MAP2K6: variants seen among roughly 807,000 people sequenced by gnomAD.
MAP2K6 encodes dual specificity mitogen-activated protein kinase kinase 6.
MAP2K6 carries 16 observed loss-of-function variants against 53.7 expected under a neutral mutation model. That is an observed-to-expected ratio of 0.30 (90% CI 0.20 to 0.45). The LOEUF is 0.45. MAP2K6 is among the 20% of genes least tolerant of loss of function. MAP2K6 has a pLI of 1.00. For synonymous variants in MAP2K6, 132 were observed against 143.1 expected, an observed-to-expected ratio of 0.92 and a Z score of 0.55; for missense variants, 204 against 411.9, an observed-to-expected ratio of 0.50 and a Z score of 4.37.
At chr17:69,424,341 G>A (rs1356691227) in intron 1 of MAP2K6, among the ~76,000 whole-genome samples, 3 of 152,168 alleles carry the variant, frequency 2.0e-5, no homozygotes, top group Non-Finnish European at 4.4e-5. Flanking sequence ...TTTAAGTCAC[G>A]TACAAAGAAG....
chr17:69,467,105 CT>C (rs974904452), intron 1 of MAP2K6, among the ~76,000 whole-genome samples: 12 of 106,816 alleles, frequency 1.1e-4, no homozygotes, highest in African/African-American at 3.5e-4. Context: ...CCATTCTATC[CT>C]TCTGGTTAAT....
chr17:69,470,165 T>C (rs1037204130), intron 1 of MAP2K6, among the ~76,000 whole-genome samples: 1 of 152,062 alleles, frequency 6.6e-6, no homozygotes, highest in Non-Finnish European at 1.5e-5. Context: ...CATCACACCA[T>C]TGCACTCCAG....
intron 1 of MAP2K6, among the ~76,000 whole-genome samples, chr17:69,464,570 T>C (rs923509463): frequency 6.6e-6 from 1 of 151,124 alleles, no homozygotes; most frequent in African/African-American, 2.4e-5. Context: ...TTAGTAAAGA[T>C]GAGGTTTCAC....
At chr17:69,446,571 C>T (rs1906970202) in intron 1 of MAP2K6, among the ~76,000 whole-genome samples, 1 of 149,498 alleles carries the variant, frequency 6.7e-6, no homozygotes, top group Non-Finnish European at 1.5e-5. Flanking sequence ...TGTGTTGTTT[C>T]TTCCTTTCAC....
intron 10 of MAP2K6, among the ~76,000 whole-genome samples, chr17:69,529,504 ATTT>A (rs10566943): frequency 0.035 from 3,457 of 98,454 alleles, 80 homozygotes; most frequent in African/African-American, 0.12. Context: ...ATGGTTTTTA[ATTT>A]TTTTTTTTTT....
intron 2 of MAP2K6, among the ~76,000 whole-genome samples, chr17:69,512,224 A>C (rs1909859514): frequency 6.6e-6 from 1 of 151,296 alleles, no homozygotes; most frequent in Non-Finnish European, 1.5e-5. Flanking sequence ...GTGAGCAAAC[A>C]GTTTATGGCT....
rs549224214 is a variant in MAP2K6, at chr17:69,491,304, C to G, written c.17-14476C>G. Among the ~76,000 whole-genome samples, 396 of 152,148 alleles carry G rather than the reference C, an allele frequency of 2.6e-3. 2 individuals carry two copies. Among genetic ancestry groups the G allele is most frequent in the Non-Finnish European group, 2.5e-3 (167 of 67,986 alleles). On this transcript the variant is annotated intron_variant, in intron 1 of 11. Transcript: ENST00000590474. ...GATTACAGGCACGTGCCACCACGCC[C>G]GGCTAATTTTTGTATTTTTAGTAGA...
chr17:69,448,680 G>C (rs570734262), intron 1 of MAP2K6, among the ~76,000 whole-genome samples: 1 of 151,590 alleles, frequency 6.6e-6, no homozygotes, highest in South Asian at 2.1e-4. Flanking sequence ...GTAATGAGAA[G>C]GCTCCTTCTC....
intron 1 of MAP2K6, among the ~76,000 whole-genome samples, chr17:69,471,198 ACT>A (rs1255673209): frequency 8.5e-5 from 13 of 152,210 alleles, no homozygotes; most frequent in Admixed American, 5.2e-4. Context: ...CATTTTGCTC[ACT>A]CTCAACCACC....
intron 1 of MAP2K6, among the ~76,000 whole-genome samples, chr17:69,427,037 G>T (rs773152201): frequency 6.6e-6 from 1 of 152,126 alleles, no homozygotes; most frequent in Non-Finnish European, 1.5e-5. Flanking sequence ...TATCAACCAG[G>T]TTTATAGACA....
intron 2 of MAP2K6, among the ~76,000 whole-genome samples, chr17:69,511,317 A>G (rs1598300040): frequency 1.3e-5 from 2 of 152,130 alleles, no homozygotes; most frequent in African/African-American, 4.8e-5. Flanking sequence ...TGTACTCCTA[A>G]AGAAGTAGCT....
chr17:69,489,642 A>C (rs1908669789), intron 1 of MAP2K6, among the ~76,000 whole-genome samples: 1 of 152,252 alleles, frequency 6.6e-6, no homozygotes, highest in South Asian at 2.1e-4. Flanking sequence ...TGAGGATCTG[A>C]ACTAGTTAAT....
intron 1 of MAP2K6, among the ~76,000 whole-genome samples, chr17:69,426,250 C>G (rs149924647): frequency 6.6e-6 from 1 of 152,304 alleles, no homozygotes; most frequent in African/African-American, 2.4e-5. Context: ...ATGCATTTGA[C>G]TTTACTCTTC....
At chr17:69,458,380 A>G (rs531502636) in intron 1 of MAP2K6, among the ~76,000 whole-genome samples, 72 of 152,252 alleles carry the variant, frequency 4.7e-4, no homozygotes, top group Non-Finnish European at 6.0e-4. Flanking sequence ...ATGTACATTC[A>G]AGGACCTGCC....
At chr17:69,534,220 T>C (rs1344856628) in intron 10 of MAP2K6, among the ~76,000 whole-genome samples, 2 of 152,166 alleles carry the variant, frequency 1.3e-5, no homozygotes, top group African/African-American at 4.8e-5. Flanking sequence ...CCACGTAGAC[T>C]CTCAGCATCT....
intron 1 of MAP2K6, among the ~76,000 whole-genome samples, chr17:69,493,373 A>G (rs1374096621): frequency 6.6e-6 from 1 of 152,210 alleles, no homozygotes; most frequent in Admixed American, 6.5e-5. Context: ...TTTACAAAGA[A>G]AACAATAATA....
chr17:69,472,032 CTT>C (rs998706118), intron 1 of MAP2K6, among the ~76,000 whole-genome samples: 1 of 152,114 alleles, frequency 6.6e-6, no homozygotes, highest in Admixed American at 6.6e-5. Context: ...ATTTTTATCT[CTT>C]TATCCATTTC....
intron 10 of MAP2K6, among the ~76,000 whole-genome samples, chr17:69,533,651 A>G (rs866638824): frequency 2.0e-5 from 3 of 151,620 alleles, no homozygotes; most frequent in Non-Finnish European, 4.4e-5. Flanking sequence ...TTAGCGTGTT[A>G]CATTGTTCCA....
intron 4 of MAP2K6, 136 bp from the exon 5 acceptor site, chr17:69,519,177 T>C: frequency 1.2e-6 from 1 of 855,310 alleles, no homozygotes; most frequent in Non-Finnish European, 1.8e-6. Context: ...AAATAGCTAA[T>C]CACTTTGGGT....
Sources: allele counts gnomAD v4.1 joint callset (sites outside exome capture counted in the v4.1 genomes callset), GRCh38; gene constraint gnomAD v4.1.1; transcripts MANE v1.5; gene names NCBI Gene and HGNC (gene_info 2026-07-23, HGNC 2026-07-21).